Variants in KCNK10 observed in about 807,000 individuals in gnomAD.
KCNK10 encodes the protein potassium channel subfamily K member 10.
In KCNK10, 25 loss-of-function variants were observed where a neutral mutation model predicts 47.7. The ratio of observed to expected loss-of-function variants is 0.52; its 90% CI spans 0.38 to 0.73. The LOEUF (loss-of-function observed/expected upper bound fraction) is 0.73, where lower values mean the gene tolerates loss of function less well. KCNK10 is among the 30% of genes least tolerant of loss of function. The pLI is 0.00. For synonymous variants in KCNK10, 303 were observed against 285.6 expected (o/e 1.06, Z -0.61); for missense variants, 563 against 714.5 (o/e 0.79, Z 2.42).
intron 4 of KCNK10, among the ~76,000 whole-genome samples, chr14:88,194,653 G>A (rs140224443): frequency 2.0e-3 from 301 of 152,274 alleles, no homozygotes; most frequent in African/African-American, 7.0e-3. Context: ...AAGGACAGCG[G>A]TGGATTTGTT....
chr14:88,313,245 G>A (rs1309237063), intron 1 of KCNK10, among the ~76,000 whole-genome samples: 2 of 152,194 alleles, frequency 1.3e-5, no homozygotes, highest in Non-Finnish European at 2.9e-5. Flanking sequence ...AGCCTAGCAC[G>A]TGGTGCCTAT....
chr14:88,294,437 T>C (rs955828904), intron 1 of KCNK10, among the ~76,000 whole-genome samples: 3 of 152,240 alleles, frequency 2.0e-5, no homozygotes, highest in Non-Finnish European at 2.9e-5. Flanking sequence ...AACTATGCAG[T>C]CCTGGATGCA....
At chr14:88,242,553 T>C (rs1886510379) in intron 2 of KCNK10, among the ~76,000 whole-genome samples, 1 of 152,216 alleles carries the variant, frequency 6.6e-6, no homozygotes, top group Admixed American at 6.5e-5. Flanking sequence ...TGGAATATTA[T>C]GCAAGACCGC....
In KCNK10 at chr14:88,186,187, T is replaced by A; in HGVS notation, c.1012-32A>T. 6.5e-7 allele frequency: 1 copy of A among 1,541,738 alleles called. No homozygotes were observed. Among genetic ancestry groups the A allele is most frequent in the Non-Finnish European group, 8.7e-7 (1 of 1,143,428 alleles). ...AAGAGACAGAAGAGCAACAATATGC[T>A]GACAAATGCCTCCCTGCCTTGGCCT... is the stretch of plus-strand genomic sequence containing the variant. On this transcript the variant is annotated intron_variant, in intron 6 of 6. Coordinates refer to ENST00000319231, the MANE Select transcript of KCNK10 (RefSeq NM_138317.3). The surrounding 1 kb of genome is among the most constrained non-coding windows in gnomAD (Gnocchi z 5.5).
At chr14:88,296,575 C>T (rs1466651427) in intron 1 of KCNK10, among the ~76,000 whole-genome samples, 1 of 152,184 alleles carries the variant, frequency 6.6e-6, no homozygotes, top group Admixed American at 6.5e-5. Context: ...ATTCTGATAT[C>T]TGGCAGAGTT....
chr14:88,319,659 C>T (rs1888503925), intron 1 of KCNK10, among the ~76,000 whole-genome samples: 3 of 152,054 alleles, frequency 2.0e-5, no homozygotes, highest in Admixed American at 2.0e-4. Context: ...CTCTTTTATC[C>T]TCCTCCTATT....
In KCNK10 at chr14:88,180,412, G is replaced by A; in HGVS notation, c.*5123C>T. ...CTCTGGGATGGGAAGGAGGCCAGAG[G>A]CTGGCATGTGAGGTGGTTTGCATAT... On this transcript the variant is annotated 3_prime_UTR_variant, in exon 7 of 7. Transcript: ENST00000319231. The A allele has an allele frequency of 5.9e-6, 1 of 169,606 alleles. No homozygotes were observed. Among genetic ancestry groups the A allele is most frequent in the East Asian group, 1.5e-4 (1 of 6,454 alleles). 10.5% of individuals were successfully genotyped at this position (169,606 alleles called of 1,614,324 possible). A position where few individuals can be genotyped will look rare whatever the true frequency, so the allele number is the denominator to read the frequency against.
At chr14:88,196,063 CGTT>C (rs1465389606) in intron 4 of KCNK10, among the ~76,000 whole-genome samples, 10 of 152,194 alleles carry the variant, frequency 6.6e-5, no homozygotes, top group Non-Finnish European at 1.5e-4. Context: ...ATAGGATGGT[CGTT>C]GTACTTCTGT....
intron 4 of KCNK10, among the ~76,000 whole-genome samples, chr14:88,219,167 G>A (rs922649089): frequency 5.9e-5 from 9 of 152,224 alleles, no homozygotes; most frequent in Middle Eastern, 6.8e-3. Context: ...ATGCACAAAC[G>A]ACCTGGAACT....
chr14:88,279,151 T>A (rs1244837066), intron 1 of KCNK10, among the ~76,000 whole-genome samples: 2 of 152,198 alleles, frequency 1.3e-5, no homozygotes, highest in African/African-American at 4.8e-5. Flanking sequence ...TTTCCCCAAA[T>A]GCAATTTCTA....
At chr14:88,320,454 C>T (rs538887081) in intron 1 of KCNK10, among the ~76,000 whole-genome samples, 4 of 152,280 alleles carry the variant, frequency 2.6e-5, no homozygotes, top group South Asian at 2.1e-4. Context: ...ATCAGTCTCA[C>T]GGTACTCCCT....
Position 88,180,167 on chromosome 14 carries a change from T to C in KCNK10, c.*5368A>G, listed in dbSNP as rs1465010969. 1 of 152,294 alleles carries C rather than the reference T, an allele frequency of 6.6e-6. No individual in the cohort carries two copies. Among genetic ancestry groups the C allele is most frequent in the African/African-American group, 2.4e-5 (1 of 41,432 alleles). 9.4% of individuals were successfully genotyped at this position (152,294 alleles called of 1,614,324 possible). On this transcript the variant is annotated 3_prime_UTR_variant, in exon 7 of 7. Transcript: ENST00000319231. ...CTCCATCATTGAAAAAAAAATTACA[T>C]CATCAAATAAAGACAATAGCAGCAC...
intron 1 of KCNK10, among the ~76,000 whole-genome samples, chr14:88,292,730 T>G (rs1160102251): frequency 6.6e-6 from 1 of 152,128 alleles, no homozygotes; most frequent in East Asian, 1.9e-4. Context: ...CCCCACTTGT[T>G]CAAGTGACTC....
chr14:88,284,016 T>C (rs921696411), intron 1 of KCNK10, among the ~76,000 whole-genome samples: 1 of 152,210 alleles, frequency 6.6e-6, no homozygotes, highest in African/African-American at 2.4e-5. Context: ...CATTATACTA[T>C]GTATCATATA....
rs147609734 is a variant in KCNK10, at chr14:88,198,892, CTTATTTTATT to C, written c.682-6492_682-6483del. Among the ~76,000 whole-genome samples the C allele has an allele frequency of 7.2e-4, 98 of 135,340 alleles. No individual in the cohort carries two copies. In the South Asian group the frequency reaches 0.017, roughly 23 times the overall value. 88.8% of individuals were successfully genotyped at this position (135,340 alleles called of 152,430 possible). A position where few individuals can be genotyped will look rare whatever the true frequency, so the allele number is the denominator to read the frequency against. On this transcript the variant is annotated intron_variant, in intron 4 of 6. Transcript: ENST00000319231. ...GGCTTTAATTTATCATCTCCTTTGT[CTTATTTTATT>C]TTATTTTATTTTATTTTATTTTATT...
At chr14:88,316,048 A>G (rs1262669250) in intron 1 of KCNK10, among the ~76,000 whole-genome samples, 1 of 152,160 alleles carries the variant, frequency 6.6e-6, no homozygotes, top group East Asian at 1.9e-4. Flanking sequence ...AGGGTAAGTG[A>G]TGAGACTAGC....
intron 3 of KCNK10, 41 bp downstream of exon 3, chr14:88,240,662 A>G: frequency 7.6e-7 from 1 of 1,312,008 alleles, no homozygotes; most frequent in Non-Finnish European, 1.1e-6. Flanking sequence ...CTTACTCAAG[A>G]TGACCTGCAG....
intron 3 of KCNK10, among the ~76,000 whole-genome samples, chr14:88,237,013 G>T (rs187544006): frequency 2.2e-3 from 330 of 152,248 alleles, no homozygotes; most frequent in Admixed American, 3.7e-3. Context: ...TCTGTAACAT[G>T]CAATGCTGTT....
At chr14:88,314,682 A>G (rs1211941792) in intron 1 of KCNK10, among the ~76,000 whole-genome samples, 1 of 152,200 alleles carries the variant, frequency 6.6e-6, no homozygotes, top group African/African-American at 2.4e-5. Context: ...CCAGACAGTG[A>G]ACCAGATGCT....
Sources: allele counts gnomAD v4.1 joint callset (sites outside exome capture counted in the v4.1 genomes callset), GRCh38; gene constraint gnomAD v4.1.1; non-coding constraint Gnocchi (gnomAD v3.1); transcripts MANE v1.5; gene names NCBI Gene and HGNC (gene_info 2026-07-23, HGNC 2026-07-21).